Variants in CCSER1 observed in about 807,000 individuals in gnomAD.
The protein encoded by CCSER1 is coiled-coil serine rich protein 1, also known as serine-rich coiled-coil domain-containing protein 1.
A neutral mutation model predicts 82.0 loss-of-function variants in CCSER1; 41 were observed. The observed-to-expected ratio is 0.50, with a 90% CI of 0.39 to 0.65. The LOEUF is 0.65. Ranked by LOEUF, CCSER1 falls within the 30% of genes least tolerant of loss-of-function variation. CCSER1 has a pLI of 0.00. For synonymous variants in CCSER1, 414 were observed against 383.9 expected, an observed-to-expected ratio of 1.08 and a Z score of -0.92; for missense variants, 1,119 against 1,064.2, an observed-to-expected ratio of 1.05 and a Z score of -0.72.
intron 10 of CCSER1, among the ~76,000 whole-genome samples, chr4:91,391,409 T>G (rs1751642467): frequency 6.6e-6 from 1 of 152,134 alleles, no homozygotes; most frequent in African/African-American, 2.4e-5. Context: ...CAAGTGATCC[T>G]TGAACCTCAG....
chr4:90,480,288 C>G (rs150252978), intron 5 of CCSER1, among the ~76,000 whole-genome samples: 48 of 152,122 alleles, frequency 3.2e-4, no homozygotes, highest in African/African-American at 1.1e-3. Context: ...CCCTTTGTCA[C>G]ATAAATAGGT....
At chr4:90,540,302 A>G (rs568830622) in intron 5 of CCSER1, among the ~76,000 whole-genome samples, 32 of 152,226 alleles carry the variant, frequency 2.1e-4, no homozygotes, top group Non-Finnish European at 4.0e-4. Context: ...ATTCAATAAC[A>G]TATTTTGTGT....
At chr4:90,528,012 A>G (rs1002970051) in intron 5 of CCSER1, among the ~76,000 whole-genome samples, 12 of 152,188 alleles carry the variant, frequency 7.9e-5, no homozygotes, top group African/African-American at 2.9e-4. Context: ...TTGACAGAGA[A>G]GGAAAATGAT....
intron 10 of CCSER1, among the ~76,000 whole-genome samples, chr4:91,527,058 A>C (rs1474579806): frequency 6.6e-6 from 1 of 152,192 alleles, no homozygotes; most frequent in African/African-American, 2.4e-5. Flanking sequence ...AATAAAGTAA[A>C]GTATAATAAG....
chr4:90,426,835 A>G (rs1000919979), intron 4 of CCSER1, among the ~76,000 whole-genome samples: 5 of 152,088 alleles, frequency 3.3e-5, no homozygotes, highest in Admixed American at 6.6e-5. Flanking sequence ...GGAGCTGGCA[A>G]TATGCTTTTC....
intron 1 of CCSER1, among the ~76,000 whole-genome samples, chr4:90,150,370 G>A (rs1377975125): frequency 6.6e-6 from 1 of 151,780 alleles, no homozygotes; most frequent in African/African-American, 2.4e-5. Context: ...TTGCAAATGT[G>A]GGCAAAAAAA....
At chr4:90,201,303 T>C (rs1293128195) in intron 1 of CCSER1, among the ~76,000 whole-genome samples, 1 of 152,138 alleles carries the variant, frequency 6.6e-6, no homozygotes, top group African/African-American at 2.4e-5. Context: ...TCTATATATC[T>C]TGTAGACACT....
intron 1 of CCSER1, among the ~76,000 whole-genome samples, chr4:90,215,147 T>C (rs1740787875): frequency 6.6e-6 from 1 of 152,186 alleles, no homozygotes; most frequent in Admixed American, 6.5e-5. Flanking sequence ...AATGATTAGG[T>C]AGGAGCTATA....
At chr4:90,265,887 A>C (rs577216905) in intron 1 of CCSER1, among the ~76,000 whole-genome samples, 103 of 152,234 alleles carry the variant, frequency 6.8e-4, no homozygotes, top group African/African-American at 2.4e-3. Flanking sequence ...GCTCTATTAT[A>C]ATCTTACAGC....
At chr4:90,383,454 G>T (rs1749530860) in intron 3 of CCSER1, among the ~76,000 whole-genome samples, 1 of 152,084 alleles carries the variant, frequency 6.6e-6, no homozygotes, top group Admixed American at 6.6e-5. Flanking sequence ...TAACTGTTTG[G>T]GAAGTCATAA....
chr4:90,613,038 G>A (rs1199711677), intron 5 of CCSER1, among the ~76,000 whole-genome samples: 1 of 152,094 alleles, frequency 6.6e-6, no homozygotes, highest in Non-Finnish European at 1.5e-5. Flanking sequence ...TCACAAAGGG[G>A]CATGACAGGA....
At chr4:90,144,432 C>A (rs553651336) in intron 1 of CCSER1, among the ~76,000 whole-genome samples, 1 of 152,264 alleles carries the variant, frequency 6.6e-6, no homozygotes, top group East Asian at 1.9e-4. Context: ...TAACATTCAT[C>A]CCACTATGCA....
chr4:91,514,358 T>G (rs920631015), intron 10 of CCSER1, among the ~76,000 whole-genome samples: 1 of 152,152 alleles, frequency 6.6e-6, no homozygotes, highest in Non-Finnish European at 1.5e-5. Flanking sequence ...TTATTGAGAC[T>G]TGCTCTATGG....
intron 1 of CCSER1, among the ~76,000 whole-genome samples, chr4:90,132,819 ATTAAAG>A (rs1723028309): frequency 6.6e-6 from 1 of 152,216 alleles, no homozygotes; most frequent in South Asian, 2.1e-4. Context: ...TCAAATATTA[ATTAAAG>A]TTAAACTTGA....
intron 9 of CCSER1, among the ~76,000 whole-genome samples, chr4:90,948,040 G>A (rs1041338865): frequency 6.6e-6 from 1 of 151,854 alleles, no homozygotes; most frequent in Non-Finnish European, 1.5e-5. Context: ...TTAGAAAATT[G>A]TCTACTGTAA....
chr4:91,312,955 T>A (rs934070468), intron 10 of CCSER1, among the ~76,000 whole-genome samples: 2 of 151,972 alleles, frequency 1.3e-5, no homozygotes, highest in Non-Finnish European at 2.9e-5. Flanking sequence ...CTGAAAATCA[T>A]AATTATTTGA....
intron 5 of CCSER1, among the ~76,000 whole-genome samples, chr4:90,474,936 T>C (rs1028872027): frequency 3.9e-5 from 6 of 152,290 alleles, no homozygotes; most frequent in Non-Finnish European, 8.8e-5. Context: ...ATATATAATA[T>C]TGTGGAAATC....
At chr4:90,644,122 C>T (rs1486993881) in intron 6 of CCSER1, among the ~76,000 whole-genome samples, 1 of 152,134 alleles carries the variant, frequency 6.6e-6, no homozygotes, top group African/African-American at 2.4e-5. Flanking sequence ...GATTTCTAAA[C>T]ACAGGTTTAA....
rs188254675 is a variant in CCSER1, at chr4:90,217,260, G to A, written c.-42+89429G>A. Among the ~76,000 whole-genome samples, 223 of 152,142 alleles carry A rather than the reference G, an allele frequency of 1.5e-3. 1 individual carries two copies. Among genetic ancestry groups the A allele is most frequent in the African/African-American group, 5.0e-3 (209 of 41,526 alleles). ...TTCCCAGGCTGGAGTGCAGTGGTGC[G>A]ATCTCGGCTCACTGCAGCCTCCACC... is the stretch of plus-strand genomic sequence containing the variant. On this transcript the variant is annotated intron_variant, in intron 1 of 10. Transcript: ENST00000509176.
Sources: allele counts gnomAD v4.1 joint callset (sites outside exome capture counted in the v4.1 genomes callset), GRCh38; gene constraint gnomAD v4.1.1; transcripts MANE v1.5; gene names NCBI Gene and HGNC (gene_info 2026-07-23, HGNC 2026-07-21).